Variants in SERHL2 observed in about 807,000 individuals in gnomAD.
SERHL2 encodes the protein serine hydrolase-like protein 2.
SERHL2 carries 29 observed loss-of-function variants against 25.5 expected under a neutral mutation model. That is an observed-to-expected ratio of 1.14 (90% CI 0.85 to 1.55). The LOEUF (loss-of-function observed/expected upper bound fraction) is 1.55. Among genes scored for constraint, SERHL2 ranks in the 40% most tolerant of loss-of-function variants. The pLI, the probability that SERHL2 is intolerant of heterozygous loss-of-function variation, is 0.00. For synonymous variants in SERHL2, 95 were observed against 103.5 expected (o/e 0.92, Z 0.50); for missense variants, 240 against 252.3 (o/e 0.95, Z 0.33).
In SERHL2 at chr22:42,572,571, C is replaced by T; in HGVS notation, c.825+42C>T. ...GCAGCTGGTGTCCAGCCACTGTCGCCCACTCTGGTCCCACCTCACCCATCT... is the reference window on the plus strand; with the variant it reads ...GCAGCTGGTGTCCAGCCACTGTCGCTCACTCTGGTCCCACCTCACCCATCT... On this transcript the variant is annotated intron_variant, in intron 11 of 11. Transcript: ENST00000327678. 1.2e-6 allele frequency: 2 copies of T among 1,603,612 alleles called. 1 individual carries two copies. The highest frequency in any genetic ancestry group is 1.7e-6 in the Non-Finnish European group (2 of 1,173,182).
chr22:42,567,557 G>C (rs1304586857), intron 9 of SERHL2, among the ~76,000 whole-genome samples: 1 of 151,398 alleles, frequency 6.6e-6, no homozygotes, highest in Non-Finnish European at 1.5e-5. Context: ...CCAGCTACTC[G>C]GGAGGCTGAG....
chr22:42,571,217 C>T lies in SERHL2; in HGVS notation c.731+14C>T. 2 of 1,611,320 alleles carry T rather than the reference C, an allele frequency of 1.2e-6. No individual in the cohort carries two copies. The highest frequency in any genetic ancestry group is 8.5e-7 in the Non-Finnish European group (1 of 1,178,848). On this transcript the variant is annotated intron_variant, in intron 10 of 11. Coordinates refer to ENST00000327678, the MANE Select transcript of SERHL2 (RefSeq NM_014509.5). ...CCTGTTGATCAAGTAAGTCTGGACC[C>T]ATCCCCTTCAGCCACCCGCCAAGGA...
At chr22:42,563,412 C>T (rs1319954562) in intron 8 of SERHL2, 2 of 440,536 alleles carry the variant, frequency 4.5e-6, no homozygotes, top group Admixed American at 4.9e-5. Flanking sequence ...CCATGTTGCC[C>T]AGGCTGGTCT....
intron 8 of SERHL2, among the ~76,000 whole-genome samples, chr22:42,563,902 C>T (rs909637529): frequency 2.0e-5 from 3 of 151,590 alleles, no homozygotes; most frequent in South Asian, 2.1e-4. Flanking sequence ...GGAGAAACCC[C>T]GTCTCTACTA....
chr22:42,573,024 C>T (rs1442109563), intron 11 of SERHL2, among the ~76,000 whole-genome samples: 5 of 151,768 alleles, frequency 3.3e-5, no homozygotes, highest in Non-Finnish European at 7.4e-5. Flanking sequence ...ACTGCCTCAT[C>T]CCTCTGCACC....
intron 11 of SERHL2, 38 bp from the exon 12 acceptor site, chr22:42,573,898 C>G (rs1285074148): frequency 1.3e-6 from 2 of 1,591,958 alleles, no homozygotes; most frequent in East Asian, 4.5e-5. Flanking sequence ...CTAGGCTCCT[C>G]TGGCCACACC....
At position 42,571,416 on chromosome 22, in the gene SERHL2, G is replaced by A. The variant is rs562582731; in HGVS notation, c.731+213G>A. ...GGGCTCGGGCAGCAGGGGATGGGCC[G>A]GGGCTGTCCCATGCCTTTCCACAGG... is the stretch of plus-strand genomic sequence containing the variant. On this transcript the variant is annotated intron_variant, in intron 10 of 11. Coordinates refer to ENST00000327678, the MANE Select transcript of SERHL2 (RefSeq NM_014509.5). The A allele has an allele frequency of 2.2e-4, 304 of 1,393,816 alleles. 4 individuals carry two copies. The South Asian group carries it at 4.2e-3, about 19-fold the overall frequency. 86.3% of individuals were successfully genotyped at this position (1,393,816 alleles called of 1,614,324 possible).
intron 8 of SERHL2, among the ~76,000 whole-genome samples, chr22:42,562,076 T>C (rs1922750517): frequency 6.6e-6 from 1 of 151,718 alleles, no homozygotes; most frequent in South Asian, 2.1e-4. Context: ...ACCCTGGGTC[T>C]GGGGGAAGTG....
chr22:42,561,162 G>A (rs1244132450), intron 8 of SERHL2, among the ~76,000 whole-genome samples: 1 of 151,950 alleles, frequency 6.6e-6, no homozygotes, highest in Non-Finnish European at 1.5e-5. Flanking sequence ...GGAAATACAT[G>A]GTGCTCTAGA....
At chr22:42,571,687 G>C (rs1398524832) in intron 10 of SERHL2, 1 of 175,742 alleles carries the variant, frequency 5.7e-6, no homozygotes, top group Non-Finnish European at 1.2e-5. Flanking sequence ...GCCTCCCAGT[G>C]TTGGGATTAC....
At chr22:42,556,482 C>T in intron 5 of SERHL2, 32 bp from the exon 6 acceptor site, 1 of 1,613,318 alleles carries the variant, frequency 6.2e-7, no homozygotes, top group Non-Finnish European at 8.5e-7. Flanking sequence ...CTTCTTCCCC[C>T]TATTCATTCT....
At chr22:42,562,864 C>A (rs1922857385) in intron 8 of SERHL2, among the ~76,000 whole-genome samples, 1 of 151,984 alleles carries the variant, frequency 6.6e-6, no homozygotes, top group Admixed American at 6.6e-5. Context: ...GCCCACTCTG[C>A]CTGGGGTGCC....
intron 9 of SERHL2, among the ~76,000 whole-genome samples, chr22:42,566,614 T>C (rs1283080054): frequency 6.6e-6 from 1 of 151,916 alleles, no homozygotes; most frequent in Non-Finnish European, 1.5e-5. Flanking sequence ...ATTGTCAATT[T>C]AACCGTTTGT....
intron 11 of SERHL2, 166 bp downstream of exon 11, chr22:42,572,695 A>C (rs1924403487): frequency 1.0e-6 from 1 of 984,366 alleles, no homozygotes; most frequent in Admixed American, 6.2e-5. Context: ...CAGTCCCTAG[A>C]GGCCTAGGGA....
At chr22:42,572,597 CTT>C in intron 11 of SERHL2, 68 bp downstream of exon 11, 2 of 1,578,784 alleles carry the variant, frequency 1.3e-6, no homozygotes, top group African/African-American at 1.3e-5. Context: ...TCACCCATCT[CTT>C]CTCATGCACT....
intron 7 of SERHL2, among the ~76,000 whole-genome samples, chr22:42,559,061 C>CCACA (rs150843806): frequency 1.5e-5 from 1 of 67,400 alleles, no homozygotes; most frequent in African/African-American, 8.1e-5. Context: ...GCACACACAC[C>CCACA]CACACACACA....
chr22:42,562,882 CAG>C (rs1922859250), intron 8 of SERHL2, among the ~76,000 whole-genome samples: 1 of 152,020 alleles, frequency 6.6e-6, no homozygotes, highest in South Asian at 2.1e-4. Flanking sequence ...GCCCTAAGGA[CAG>C]AGGGACAGTC....
chr22:42,566,606 T>C lies in SERHL2; in HGVS notation c.648+268T>C, dbSNP rs115780334. On this transcript the variant is annotated intron_variant, in intron 9 of 11. Transcript: ENST00000327678. Reference sequence around the variant, plus strand: ...TATAGCTAACATAATACTTAATGATTGTCAATTTAACCGTTTGTAAGTATG... The same window carrying C: ...TATAGCTAACATAATACTTAATGATCGTCAATTTAACCGTTTGTAAGTATG... 3.6e-3 allele frequency among the ~76,000 whole-genome samples: 548 copies of C among 151,820 alleles called. 3 individuals are homozygous for C. The highest frequency in any genetic ancestry group is 0.013 in the African/African-American group (530 of 41,450).
At chr22:42,566,390 T>C in intron 9 of SERHL2, 52 bp downstream of exon 9, 1 of 1,589,936 alleles carries the variant, frequency 6.3e-7, no homozygotes, top group Non-Finnish European at 8.6e-7. Flanking sequence ...GTTAGCGTCT[T>C]TGTCGTTTTT....
Sources: gnomAD v4.1 joint callset for allele counts (sites outside exome capture counted in the v4.1 genomes callset) on GRCh38, gnomAD v4.1.1 for gene constraint, MANE v1.5 for transcripts, NCBI Gene and HGNC (gene_info 2026-07-23, HGNC 2026-07-21) for gene names.